Variants in MALRD1 observed in about 807,000 individuals in gnomAD.
MALRD1 encodes MAM and LDL receptor class A domain containing 1.
MALRD1 carries 247 observed loss-of-function variants against 242.1 expected under a neutral mutation model. The ratio of observed to expected loss-of-function variants is 1.02; its 90% CI spans 0.92 to 1.13. The LOEUF is 1.13. MALRD1 is among the 50% of genes most tolerant of loss of function. The probability of loss-of-function intolerance (pLI) is 0.00; values close to 1 mark genes in which losing one functional copy is unlikely to be tolerated. For synonymous variants in MALRD1, 995 were observed against 866.6 expected (o/e 1.15, Z -2.60); for missense variants, 2,989 against 2,533.1 (o/e 1.18, Z -3.86).
At chr10:19,276,730 C>G (rs183226026) in intron 19 of MALRD1, among the ~76,000 whole-genome samples, 1 of 151,966 alleles carries the variant, frequency 6.6e-6, no homozygotes, top group Non-Finnish European at 1.5e-5. Context: ...ATAACTTTGA[C>G]CTCTAATTGA....
intron 32 of MALRD1, among the ~76,000 whole-genome samples, chr10:19,562,297 G>GTAGATAGACAGA (rs1554800905): frequency 4.1e-5 from 6 of 144,650 alleles, no homozygotes; most frequent in African/African-American, 1.5e-4. Flanking sequence ...GCTGTCTTAG[G>GTAGATAGACAGA]TAGATAGATA....
intron 4 of MALRD1, among the ~76,000 whole-genome samples, chr10:19,102,312 C>G (rs923240827): frequency 6.6e-6 from 1 of 151,680 alleles, no homozygotes; most frequent in African/African-American, 2.4e-5. Context: ...TTTGCCAGGC[C>G]TTTGCAAAAT....
intron 34 of MALRD1, among the ~76,000 whole-genome samples, chr10:19,597,711 G>A (rs1165076287): frequency 6.6e-6 from 1 of 152,148 alleles, no homozygotes; most frequent in African/African-American, 2.4e-5. Context: ...AGTGAAGGAG[G>A]CTAGTCAGTG....
intron 38 of MALRD1, 86 bp downstream of exon 38, chr10:19,692,640 C>G: frequency 2.9e-6 from 3 of 1,039,158 alleles, no homozygotes; most frequent in African/African-American, 1.6e-5. Context: ...TTTTCTTTCA[C>G]TCCATATTAC....
chr10:19,620,731 G>A (rs569259048), intron 36 of MALRD1, among the ~76,000 whole-genome samples: 3 of 151,982 alleles, frequency 2.0e-5, no homozygotes, highest in Admixed American at 6.6e-5. Flanking sequence ...GAGATTGCAA[G>A]AGTTATTTCA....
chr10:19,480,675 T>A (rs888241933), intron 29 of MALRD1, among the ~76,000 whole-genome samples: 2 of 152,204 alleles, frequency 1.3e-5, no homozygotes, highest in Non-Finnish European at 2.9e-5. Context: ...AAGGAGTGAG[T>A]GATGACTTCT....
intron 32 of MALRD1, among the ~76,000 whole-genome samples, chr10:19,540,208 C>T (rs768864722): frequency 2.6e-5 from 4 of 152,034 alleles, no homozygotes; most frequent in Non-Finnish European, 5.9e-5. Flanking sequence ...CTTCTTTAGG[C>T]TAGTGCAAGA....
Position 19,331,529 on chromosome 10 carries a change from G to C in MALRD1, c.3848G>C (p.Cys1283Ser). 6.5e-7 allele frequency: 1 copy of C among 1,550,320 alleles called. No homozygotes were observed. The highest frequency in any genetic ancestry group is 8.7e-7 in the Non-Finnish European group (1 of 1,146,796). Residue 1283 changes from cysteine to serine, a missense_variant, in exon 24 of 40, where the codon TGT becomes TCT. Coordinates refer to ENST00000454679, the MANE Select transcript of MALRD1 (RefSeq NM_001142308.3). ...NKHCIAKDKLCDFVNDCADNS... is the reference protein window; with the variant it reads ...NKHCIAKDKLSDFVNDCADNS... Reference sequence around the variant, plus strand: ...CACTGCATTGCCAAAGACAAGCTGTGTGATTTTGTGAATGATTGTGCTGAT... The same window carrying C: ...CACTGCATTGCCAAAGACAAGCTGTCTGATTTTGTGAATGATTGTGCTGAT...
At chr10:19,443,504 G>T (rs1262953067) in intron 28 of MALRD1, among the ~76,000 whole-genome samples, 1 of 152,152 alleles carries the variant, frequency 6.6e-6, no homozygotes, top group Admixed American at 6.5e-5. Context: ...GTGTCCCAGA[G>T]ATTCTGCTAT....
chr10:19,068,151 G>C (rs935325154), intron 2 of MALRD1, among the ~76,000 whole-genome samples: 12 of 151,726 alleles, frequency 7.9e-5, no homozygotes, highest in African/African-American at 2.9e-4. Context: ...TACTCAGAAG[G>C]CTTTTTACAG....
At chr10:19,571,482 A>G (rs1199911271) in intron 33 of MALRD1, among the ~76,000 whole-genome samples, 1 of 152,164 alleles carries the variant, frequency 6.6e-6, no homozygotes. Flanking sequence ...GAAATGCTGG[A>G]TAAAGGAAGC....
chr10:19,213,222 A>G (rs1247194770), intron 18 of MALRD1, among the ~76,000 whole-genome samples: 1 of 152,174 alleles, frequency 6.6e-6, no homozygotes, highest in Non-Finnish European at 1.5e-5. Context: ...CTGAGATTAC[A>G]CATAAATTCA....
At chr10:19,384,096 G>A (rs900141226) in intron 26 of MALRD1, among the ~76,000 whole-genome samples, 10 of 151,068 alleles carry the variant, frequency 6.6e-5, no homozygotes, top group African/African-American at 1.9e-4. Context: ...ATTGTGGTTT[G>A]CATTTGCATT....
chr10:19,083,150 G>T (rs1835549038), intron 2 of MALRD1, among the ~76,000 whole-genome samples: 1 of 152,044 alleles, frequency 6.6e-6, no homozygotes, highest in African/African-American at 2.4e-5. Flanking sequence ...ATGAATGTGT[G>T]TGTGTGCAGG....
At chr10:19,364,172 G>T (rs1180856775) in intron 26 of MALRD1, among the ~76,000 whole-genome samples, 1 of 152,134 alleles carries the variant, frequency 6.6e-6, no homozygotes, top group Non-Finnish European at 1.5e-5. Context: ...ATAATGATCA[G>T]TGTCAAGGAT....
At chr10:19,257,196 C>T (rs375188721) in intron 18 of MALRD1, among the ~76,000 whole-genome samples, 17 of 152,064 alleles carry the variant, frequency 1.1e-4, no homozygotes, top group African/African-American at 2.9e-4. Flanking sequence ...GTTACAGAAT[C>T]AGTGTCATGT....
chr10:19,632,056 G>T (rs1382768460), intron 36 of MALRD1, among the ~76,000 whole-genome samples: 2 of 152,168 alleles, frequency 1.3e-5, no homozygotes, highest in African/African-American at 4.8e-5. Flanking sequence ...AAATTTTCAT[G>T]AAGTGGCCTC....
intron 14 of MALRD1, among the ~76,000 whole-genome samples, chr10:19,190,307 A>G (rs937554463): frequency 1.3e-5 from 2 of 152,120 alleles, no homozygotes; most frequent in South Asian, 2.1e-4. Context: ...TTTTAAAAAT[A>G]TAGATAATGA....
chr10:19,449,062 A>G (rs1046472385), intron 28 of MALRD1, among the ~76,000 whole-genome samples: 10 of 152,232 alleles, frequency 6.6e-5, no homozygotes, highest in Non-Finnish European at 1.3e-4. Context: ...ATCTGGAACT[A>G]GAAACCCAAG....
Sources: gnomAD v4.1 joint callset for allele counts (sites outside exome capture counted in the v4.1 genomes callset) on GRCh38, gnomAD v4.1.1 for gene constraint, MANE v1.5 for transcripts, NCBI Gene and HGNC (gene_info 2026-07-23, HGNC 2026-07-21) for gene names.